FSTL5: variants seen among roughly 807,000 people sequenced by gnomAD.
The protein encoded by FSTL5 is follistatin-related protein 5.
FSTL5 carries 62 observed loss-of-function variants against 89.1 expected under a neutral mutation model. That is an observed-to-expected ratio of 0.70 (90% confidence interval 0.57 to 0.86). FSTL5 has a LOEUF of 0.86. FSTL5 is among the 40% of genes least tolerant of loss of function. The pLI is 0.00. For missense variants in FSTL5, 1,057 were observed against 1,001.6 expected (o/e 1.06, Z -0.75); for synonymous variants, 383 against 346.2 (o/e 1.11, Z -1.18).
At chr4:161,879,318 A>T (rs572743897) in intron 4 of FSTL5, among the ~76,000 whole-genome samples, 1 of 152,312 alleles carries the variant, frequency 6.6e-6, no homozygotes, top group East Asian at 1.9e-4. Flanking sequence ...CCCCTGTAAT[A>T]GCTTCCTACC....
intron 7 of FSTL5, among the ~76,000 whole-genome samples, chr4:161,629,866 A>G (rs1316184261): frequency 6.6e-6 from 1 of 152,194 alleles, no homozygotes; most frequent in East Asian, 1.9e-4. Context: ...GGGGAAAGCT[A>G]TCCCCTGAAC....
intron 15 of FSTL5, among the ~76,000 whole-genome samples, chr4:161,432,693 G>GA (rs148516896): frequency 0.018 from 2,685 of 148,806 alleles, 60 homozygotes; most frequent in African/African-American, 0.055. Flanking sequence ...CCAGATTAGG[G>GA]AAAAAAAAAG....
chr4:161,648,201 C>T (rs1736215603), intron 7 of FSTL5, among the ~76,000 whole-genome samples: 1 of 152,116 alleles, frequency 6.6e-6, no homozygotes, highest in African/African-American at 2.4e-5. Flanking sequence ...GGTAAAGGGT[C>T]TAATTGAGCT....
At chr4:161,903,253 A>G (rs1251719153) in intron 4 of FSTL5, among the ~76,000 whole-genome samples, 1 of 152,102 alleles carries the variant, frequency 6.6e-6, no homozygotes. Context: ...AAAAGACACT[A>G]TCGATGTGAC....
At chr4:161,627,684 C>T (rs1174202598) in intron 7 of FSTL5, among the ~76,000 whole-genome samples, 2 of 152,132 alleles carry the variant, frequency 1.3e-5, no homozygotes, top group Non-Finnish European at 2.9e-5. Flanking sequence ...CCCATTACTA[C>T]ACTGCCTAAG....
intron 5 of FSTL5, among the ~76,000 whole-genome samples, chr4:161,772,542 A>G (rs1053681294): frequency 1.6e-4 from 25 of 152,158 alleles, no homozygotes; most frequent in African/African-American, 5.8e-4. Context: ...TAGCTCTGCT[A>G]TACACCACCA....
At chr4:161,788,528 A>G (rs1741994549) in intron 4 of FSTL5, among the ~76,000 whole-genome samples, 1 of 152,194 alleles carries the variant, frequency 6.6e-6, no homozygotes, top group Admixed American at 6.5e-5. Context: ...CTTCTGTGAC[A>G]AAGCCTTTGT....
intron 2 of FSTL5, among the ~76,000 whole-genome samples, chr4:162,059,836 T>C (rs1323473315): frequency 1.3e-5 from 2 of 152,052 alleles, no homozygotes; most frequent in Non-Finnish European, 2.9e-5. Context: ...GGTTATGAGA[T>C]CAGAAACTGA....
chr4:161,409,366 G>A (rs982468773), intron 15 of FSTL5, among the ~76,000 whole-genome samples: 1 of 151,946 alleles, frequency 6.6e-6, no homozygotes, highest in Non-Finnish European at 1.5e-5. Flanking sequence ...AATGCTGAGG[G>A]AATTATTATT....
intron 3 of FSTL5, among the ~76,000 whole-genome samples, chr4:162,000,145 G>C (rs1736417404): frequency 6.6e-6 from 1 of 152,178 alleles, no homozygotes; most frequent in South Asian, 2.1e-4. Flanking sequence ...ACTCATGCCT[G>C]CTAGCCACAA....
At chr4:161,682,280 C>T (rs1376889552) in intron 6 of FSTL5, among the ~76,000 whole-genome samples, 1 of 152,100 alleles carries the variant, frequency 6.6e-6, no homozygotes, top group Admixed American at 6.6e-5. Flanking sequence ...TTTATAACCG[C>T]TGTATACTTA....
chr4:161,705,077 T>C (rs1738525328), intron 6 of FSTL5, among the ~76,000 whole-genome samples: 1 of 152,064 alleles, frequency 6.6e-6, no homozygotes, highest in South Asian at 2.1e-4. Context: ...AATTAAAATA[T>C]TGCATTTTGT....
At chr4:161,830,298 T>G (rs1730802981) in intron 4 of FSTL5, among the ~76,000 whole-genome samples, 1 of 152,026 alleles carries the variant, frequency 6.6e-6, no homozygotes, top group African/African-American at 2.4e-5. Context: ...ATTCCAGAGA[T>G]TTTGCTTCCT....
At chr4:161,770,938 G>C (rs1001130009) in intron 5 of FSTL5, among the ~76,000 whole-genome samples, 1 of 151,998 alleles carries the variant, frequency 6.6e-6, no homozygotes, top group East Asian at 1.9e-4. Context: ...ACACTCATGC[G>C]AGCTATATGA....
chr4:161,571,408 A>G (rs1489860684), intron 8 of FSTL5, among the ~76,000 whole-genome samples: 1 of 152,144 alleles, frequency 6.6e-6, no homozygotes, highest in Non-Finnish European at 1.5e-5. Flanking sequence ...GAGAGAAATA[A>G]AAAGGAAGGA....
At chr4:161,801,344 T>A (rs930834940) in intron 4 of FSTL5, among the ~76,000 whole-genome samples, 7 of 151,596 alleles carry the variant, frequency 4.6e-5, no homozygotes, top group African/African-American at 1.7e-4. Flanking sequence ...GCTTATTTAT[T>A]CATTCAATGC....
intron 6 of FSTL5, among the ~76,000 whole-genome samples, chr4:161,665,569 A>C (rs1220095283): frequency 6.6e-6 from 1 of 152,184 alleles, no homozygotes; most frequent in African/African-American, 2.4e-5. Context: ...ATTAAAAGAT[A>C]CAGCCTGCCT....
At chr4:161,881,562 C>A (rs1473103172) in intron 4 of FSTL5, among the ~76,000 whole-genome samples, 2 of 152,032 alleles carry the variant, frequency 1.3e-5, no homozygotes. Context: ...TCAACTCCAG[C>A]GCGTTTTTTG....
At chr4:161,890,008 A>C (rs1170328975) in intron 4 of FSTL5, among the ~76,000 whole-genome samples, 1 of 152,208 alleles carries the variant, frequency 6.6e-6, no homozygotes, top group Non-Finnish European at 1.5e-5. Flanking sequence ...ATCAGTGCCA[A>C]TAATGAAGAC....
Sources: gnomAD v4.1 joint callset for allele counts (sites outside exome capture counted in the v4.1 genomes callset) on GRCh38, gnomAD v4.1.1 for gene constraint, MANE v1.5 for transcripts, NCBI Gene and HGNC (gene_info 2026-07-23, HGNC 2026-07-21) for gene names.